The following ZNF875 variants were observed in gnomAD, a reference collection of about 807,000 sequenced individuals.
ZNF875 encodes HKR1, GLI-Kruppel zinc finger family member.
A neutral mutation model predicts 11.2 loss-of-function variants in ZNF875; 14 were observed. The ratio of observed to expected loss-of-function variants is 1.26; its 90% CI spans 0.83 to 1.96. The LOEUF (loss-of-function observed/expected upper bound fraction) is 1.96, where lower values mean the gene tolerates loss of function less well. Ranked by LOEUF, ZNF875 falls within the 30% of genes most tolerant of loss-of-function variation. The pLI is 0.00. For synonymous variants in ZNF875, 301 were observed against 281.1 expected (o/e 1.07, Z -0.71); for missense variants, 752 against 760.4 (o/e 0.99, Z 0.13).
intron 2 of ZNF875, among the ~76,000 whole-genome samples, chr19:37,343,688 A>C (rs973110389): frequency 6.6e-6 from 1 of 152,090 alleles, no homozygotes; most frequent in Non-Finnish European, 1.5e-5. Context: ...GATGCCTCTC[A>C]AACATCTGCT....
chr19:37,361,000 T>G (rs1225383346), intron 4 of ZNF875, among the ~76,000 whole-genome samples: 1 of 151,894 alleles, frequency 6.6e-6, no homozygotes. Flanking sequence ...TTTTTTGAAA[T>G]TTTATGCTTA....
Position 37,347,806 on chromosome 19 carries a change from G to T in ZNF875, c.190G>T (p.Ala64Ser), listed in dbSNP as rs1202588590. Residue 64 changes from alanine (A) to serine (S), a missense_variant, in exon 4 of 5, where the codon GCT becomes TCT. Transcript: ENST00000392153. ...TCCATCTTCTAAACCAAAACTCATT[G>T]CTCAGCTGGAGCGAGGGGAAGCGCC... Reference protein sequence around the residue: ...EIPSSKPKLIAQLERGEAPWR... With the variant: ...EIPSSKPKLISQLERGEAPWR... The T allele has an allele frequency of 6.2e-7, 1 of 1,613,406 alleles. No individual in the cohort carries two copies.
rs2033951154 is a variant in ZNF875, at chr19:37,334,768, G to T, written c.-71G>T. The T allele has an allele frequency of 2.2e-6, 1 of 456,380 alleles. No individual in the cohort carries two copies. The highest frequency in any genetic ancestry group is 1.5e-5 in the South Asian group (1 of 64,562). The allele number at this position is 456,380 out of a possible 1,614,324, so 28.3% of individuals were successfully genotyped here. ...GACTTTCGGCTTCAGGATCCGCAGC[G>T]TGCACCCGCGTTCCGTGAGTGCCCT... is the stretch of plus-strand genomic sequence containing the variant. On this transcript the variant is annotated 5_prime_UTR_variant, in exon 1 of 5. Coordinates refer to ENST00000392153, the MANE Select transcript of ZNF875 (RefSeq NM_001353803.2).
chr19:37,349,932 G>A (rs1057239858), intron 4 of ZNF875, among the ~76,000 whole-genome samples: 5 of 150,648 alleles, frequency 3.3e-5, no homozygotes, highest in Non-Finnish European at 5.9e-5. Flanking sequence ...TGGGATTACA[G>A]ACGTGAGCCA....
At chr19:37,355,220 C>T (rs148013907) in intron 4 of ZNF875, among the ~76,000 whole-genome samples, 1,531 of 152,142 alleles carry the variant, frequency 0.01, 16 homozygotes, top group Middle Eastern at 0.034. Flanking sequence ...GACAGAGTCT[C>T]GCTCTGTCAC....
intron 3 of ZNF875, 43 bp downstream of exon 3, chr19:37,347,359 G>A (rs1294453323): frequency 6.3e-7 from 1 of 1,575,826 alleles, no homozygotes; most frequent in South Asian, 1.2e-5. Flanking sequence ...GCCCTACAGA[G>A]TATTTTCCAC....
Position 37,344,749 on chromosome 19 carries a change from G to A in ZNF875, c.34-2441G>A, listed in dbSNP as rs374880884. The A allele has an allele frequency of 4.0e-5, 64 of 1,605,308 alleles. No homozygotes were observed. The highest frequency in any genetic ancestry group is 5.2e-5 in the Non-Finnish European group (61 of 1,172,250). On this transcript the variant is annotated intron_variant, in intron 2 of 4. Transcript: ENST00000392153. ...TGCATGGTTCACAGACAAACCATGA[G>A]TTGTTCCGGGGCTGGAGGAATAACG...
At chr19:37,334,165 C>T (rs1018313467), upstream of ZNF875, among the ~76,000 whole-genome samples, 2 of 152,198 alleles carry the variant, frequency 1.3e-5, no homozygotes, top group African/African-American at 4.8e-5. Flanking sequence ...GGTTCCCTGT[C>T]CTGGTACACC....
At chr19:37,353,405 A>G (rs192630000) in intron 4 of ZNF875, among the ~76,000 whole-genome samples, 6 of 152,322 alleles carry the variant, frequency 3.9e-5, no homozygotes, top group Admixed American at 3.3e-4. Flanking sequence ...CCAATACTAC[A>G]GTGTTAAAAT....
Position 37,334,772 on chromosome 19 carries a change from A to C in ZNF875, c.-67A>C, listed in dbSNP as rs1235305684. The stretch of plus-strand genomic sequence containing the variant: ...TTCGGCTTCAGGATCCGCAGCGTGC[A>C]CCCGCGTTCCGTGAGTGCCCTATAG... On this transcript the variant is annotated 5_prime_UTR_variant, in exon 1 of 5. Coordinates refer to ENST00000392153, the MANE Select transcript of ZNF875 (RefSeq NM_001353803.2). 1 of 456,252 alleles carries C rather than the reference A, an allele frequency of 2.2e-6. No individual in the cohort carries two copies. The highest frequency in any genetic ancestry group is 2.0e-5 in the African/African-American group (1 of 50,062). The allele number at this position is 456,252 out of a possible 1,614,324, so 28.3% of individuals were successfully genotyped here. A position where few individuals can be genotyped will look rare whatever the true frequency, so the allele number is the denominator to read the frequency against.
chr19:37,362,025 A>T, intron 4 of ZNF875, 84 bp from the exon 5 acceptor site: 2 of 771,508 alleles, frequency 2.6e-6, no homozygotes, highest in Non-Finnish European at 4.4e-6. Flanking sequence ...ATATGTAAAT[A>T]TATTATGAAT....
intron 1 of ZNF875, among the ~76,000 whole-genome samples, chr19:37,318,995 A>C (rs1362414471): frequency 6.6e-6 from 1 of 151,774 alleles, no homozygotes; most frequent in East Asian, 1.9e-4. Context: ...TGAAAGAAAC[A>C]ACCAGTTAAG....
Position 37,352,897 on chromosome 19 carries a change from C to A in ZNF875, c.256+5025C>A, listed in dbSNP as rs58295781. Among the ~76,000 whole-genome samples the A allele has an allele frequency of 9.3e-3, 968 of 104,392 alleles. 27 individuals are homozygous for A. Among genetic ancestry groups the A allele is most frequent in the East Asian group, 0.076 (260 of 3,402 alleles). The allele number at this position is 104,392 out of a possible 152,430, so 68.5% of individuals were successfully genotyped here. A position where few individuals can be genotyped will look rare whatever the true frequency, so the allele number is the denominator to read the frequency against. ...TTCTTTTTTTTTTTTTTTTTTGAGACATAGTCTCACTCTGTCACCGAGACT... is the reference window on the plus strand; with the variant it reads ...TTCTTTTTTTTTTTTTTTTTTGAGAAATAGTCTCACTCTGTCACCGAGACT... On this transcript the variant is annotated intron_variant, in intron 4 of 4. Transcript: ENST00000392153.
chr19:37,314,157 C>T (rs1315227158), upstream of ZNF875, among the ~76,000 whole-genome samples: 2 of 152,136 alleles, frequency 1.3e-5, no homozygotes, highest in South Asian at 2.1e-4. Context: ...CTTTCACCCA[C>T]GATGGAGTGC....
chr19:37,355,243 G>A (rs1384874906), intron 4 of ZNF875, among the ~76,000 whole-genome samples: 2 of 152,188 alleles, frequency 1.3e-5, no homozygotes, highest in East Asian at 3.9e-4. Context: ...AGGCTGGAGT[G>A]CAGTGGCACG....
At chr19:37,328,645 A>C (rs1440415280) in intron 4 of ZNF875, 1 of 152,190 alleles carries the variant, frequency 6.6e-6, no homozygotes, top group Non-Finnish European at 1.5e-5. Flanking sequence ...TCAGAACCAT[A>C]AACCAAGTGA....
upstream of ZNF875, among the ~76,000 whole-genome samples, chr19:37,314,225 C>T (rs534481104): frequency 1.8e-3 from 276 of 152,250 alleles, no homozygotes; most frequent in Non-Finnish European, 3.2e-3. Flanking sequence ...GATCCTCCCA[C>T]GTTAACCTAC....
chr19:37,316,650 G>C (rs893423796), upstream of ZNF875, among the ~76,000 whole-genome samples: 35 of 150,628 alleles, frequency 2.3e-4, no homozygotes, highest in Non-Finnish European at 4.0e-4. Flanking sequence ...GATTACAGGC[G>C]TGAGCCACTG....
chr19:37,354,944 G>A (rs2038632731), intron 4 of ZNF875, among the ~76,000 whole-genome samples: 1 of 152,046 alleles, frequency 6.6e-6, no homozygotes, highest in African/African-American at 2.4e-5. Flanking sequence ...AAACTTTTTT[G>A]TAAATTACCC....
Sources: allele counts gnomAD v4.1 joint callset (sites outside exome capture counted in the v4.1 genomes callset), GRCh38; gene constraint gnomAD v4.1.1; transcripts MANE v1.5; gene names NCBI Gene and HGNC (gene_info 2026-07-23, HGNC 2026-07-21).